Variants in LDB2 observed in about 807,000 individuals in gnomAD.
LDB2 encodes the protein LIM domain-binding protein 2.
In LDB2, 12 loss-of-function variants were observed where a neutral mutation model predicts 44.3. The observed-to-expected ratio is 0.27, with a 90% confidence interval of 0.17 to 0.44. The LOEUF is 0.44. LDB2 is among the 20% of genes least tolerant of loss of function. LDB2 has a pLI of 1.00. For synonymous variants in LDB2, 164 were observed against 174.8 expected (o/e 0.94, Z 0.49); for missense variants, 344 against 473.5 (o/e 0.73, Z 2.54).
intron 2 of LDB2, among the ~76,000 whole-genome samples, chr4:16,604,252 T>C (rs893249617): frequency 6.6e-6 from 1 of 152,198 alleles, no homozygotes; most frequent in African/African-American, 2.4e-5. Context: ...AAATGGTTAA[T>C]GGAATTTTAA....
intron 2 of LDB2, among the ~76,000 whole-genome samples, chr4:16,683,606 C>T (rs913761108): frequency 6.6e-6 from 1 of 152,170 alleles, no homozygotes; most frequent in African/African-American, 2.4e-5. Context: ...AGTATTTTTC[C>T]AGAAGAGGGT....
intron 1 of LDB2, among the ~76,000 whole-genome samples, chr4:16,858,863 C>T (rs148161362): frequency 2.0e-4 from 31 of 152,250 alleles, no homozygotes; most frequent in Middle Eastern, 3.4e-3. Context: ...AAGTTCTTTA[C>T]GATATCTTTT....
At chr4:16,890,057 A>T (rs1294187862) in intron 1 of LDB2, among the ~76,000 whole-genome samples, 2 of 152,206 alleles carry the variant, frequency 1.3e-5, no homozygotes, top group African/African-American at 4.8e-5. Context: ...GAGTTATTAC[A>T]AAGAAAGCCA....
At chr4:16,595,981 A>C in intron 2 of LDB2, 106 bp from the exon 3 acceptor site, 358 of 1,141,490 alleles carry the variant, frequency 3.1e-4, no homozygotes, top group Non-Finnish European at 4.0e-4. Context: ...TGATCATCTC[A>C]AGAAACCATA....
intron 5 of LDB2, among the ~76,000 whole-genome samples, chr4:16,542,488 G>A (rs60405451): frequency 6.6e-6 from 1 of 152,112 alleles, no homozygotes; most frequent in South Asian, 2.1e-4. Context: ...CGGAGGGAGG[G>A]ATGGGCTTGG....
At chr4:16,677,708 T>C (rs1578705191) in intron 2 of LDB2, among the ~76,000 whole-genome samples, 1 of 152,364 alleles carries the variant, frequency 6.6e-6, no homozygotes, top group East Asian at 1.9e-4. Flanking sequence ...ATTTATTGTC[T>C]TAACTGGGAG....
intron 5 of LDB2, among the ~76,000 whole-genome samples, chr4:16,525,114 T>C (rs566872710): frequency 6.6e-6 from 1 of 152,266 alleles, no homozygotes; most frequent in African/African-American, 2.4e-5. Flanking sequence ...ATTGACTGAA[T>C]GGTTACACCT....
At chr4:16,861,405 C>T (rs1347428436) in intron 1 of LDB2, among the ~76,000 whole-genome samples, 2 of 152,124 alleles carry the variant, frequency 1.3e-5, no homozygotes, top group African/African-American at 4.8e-5. Flanking sequence ...ATAGTGTCCC[C>T]CACCCCAAGT....
intron 2 of LDB2, among the ~76,000 whole-genome samples, chr4:16,644,621 G>C (rs937794547): frequency 6.6e-6 from 1 of 151,852 alleles, no homozygotes; most frequent in Non-Finnish European, 1.5e-5. Context: ...GTAGAGACGG[G>C]GTTTCACCAT....
chr4:16,678,533 G>A (rs1746920742), intron 2 of LDB2, among the ~76,000 whole-genome samples: 2 of 152,086 alleles, frequency 1.3e-5, no homozygotes, highest in Admixed American at 1.3e-4. Flanking sequence ...TAAGTGGAGT[G>A]AGCTTTCCTA....
In LDB2 at chr4:16,699,707, C is replaced by T. The variant is rs77610865; in HGVS notation, c.235+59451G>A. Reference sequence around the variant, plus strand: ...GAGAAAAGGAAGAAGGAAGAAAATGCCAAAGATAGATTTATAGCTCTAAAT... The same window carrying T: ...GAGAAAAGGAAGAAGGAAGAAAATGTCAAAGATAGATTTATAGCTCTAAAT... On this transcript the variant is annotated intron_variant, in intron 2 of 7. Transcript: ENST00000304523. Among the ~76,000 whole-genome samples, 1,015 of 152,116 alleles carry T rather than the reference C, an allele frequency of 6.7e-3. 16 individuals carry two copies. Among genetic ancestry groups the T allele is most frequent in the African/African-American group, 0.023 (969 of 41,488 alleles).
intron 2 of LDB2, among the ~76,000 whole-genome samples, chr4:16,601,135 G>A (rs1027493221): frequency 1.3e-5 from 2 of 152,148 alleles, no homozygotes; most frequent in African/African-American, 2.4e-5. Flanking sequence ...TGGTGAGGCT[G>A]TGGTAAAACA....
At position 16,871,281 on chromosome 4, in the gene LDB2, T is replaced by C. The variant is rs138180580; in HGVS notation, c.132+27073A>G. Reference sequence around the variant, plus strand: ...AATATATGTAGCTTCAAATGAGCCATAGTGGGAGTATTTACTACAGAAATT... The same window carrying C: ...AATATATGTAGCTTCAAATGAGCCACAGTGGGAGTATTTACTACAGAAATT... On this transcript the variant is annotated intron_variant, in intron 1 of 7. Coordinates refer to ENST00000304523, the MANE Select transcript of LDB2 (RefSeq NM_001290.5). 1.0e-3 allele frequency among the ~76,000 whole-genome samples: 153 copies of C among 152,302 alleles called. 1 individual carries two copies. The highest frequency in any genetic ancestry group is 3.6e-3 in the African/African-American group (148 of 41,578).
chr4:16,849,517 C>T (rs185985145), intron 1 of LDB2, among the ~76,000 whole-genome samples: 348 of 152,282 alleles, frequency 2.3e-3, no homozygotes, highest in Non-Finnish European at 3.9e-3. Context: ...GCAGCAAGAA[C>T]CCAAAGGCAA....
chr4:16,713,921 G>A (rs932948473), intron 2 of LDB2, among the ~76,000 whole-genome samples: 1 of 152,172 alleles, frequency 6.6e-6, no homozygotes, highest in African/African-American at 2.4e-5. Context: ...GATGTCCATT[G>A]ATAGATTATT....
Position 16,502,383 on chromosome 4 carries a change from C to G in LDB2, c.*260G>C, listed in dbSNP as rs1717742705. 2 of 466,046 alleles carry G rather than the reference C, an allele frequency of 4.3e-6. No individual in the cohort carries two copies. Among genetic ancestry groups the G allele is most frequent in the Non-Finnish European group, 7.6e-6 (2 of 261,912 alleles). 28.9% of individuals were successfully genotyped at this position (466,046 alleles called of 1,614,324 possible). A position where few individuals can be genotyped will look rare whatever the true frequency, so the allele number is the denominator to read the frequency against. On this transcript the variant is annotated 3_prime_UTR_variant, in exon 8 of 8. Transcript: ENST00000304523. Reference sequence around the variant, plus strand: ...GTGCCAGAAGATGCGCTAGAGTTTTCTCTCATTTTAATTACAATCAGTGCC... The same window carrying G: ...GTGCCAGAAGATGCGCTAGAGTTTTGTCTCATTTTAATTACAATCAGTGCC...
In LDB2 at chr4:16,682,220, T is replaced by C. The variant is rs920867144; in HGVS notation, c.235+76938A>G. Among the ~76,000 whole-genome samples, 16 of 152,264 alleles carry C rather than the reference T, an allele frequency of 1.1e-4. No homozygotes were observed. The South Asian group carries it at 3.1e-3, about 30-fold the overall frequency. ...ATCTGTCAGGGAAAAAGCAAAGCCT[T>C]AGAAACAAGTCAAAAAGTAACTAGT... On this transcript the variant is annotated intron_variant, in intron 2 of 7. Coordinates refer to ENST00000304523, the MANE Select transcript of LDB2 (RefSeq NM_001290.5).
In LDB2 at chr4:16,674,384, T is replaced by G; in HGVS notation, c.236-78509A>C. 4.2e-6 allele frequency: 3 copies of G among 713,294 alleles called. No individual in the cohort carries two copies. The South Asian group carries it at 4.3e-5, about 10-fold the overall frequency. The allele number at this position is 713,294 out of a possible 1,614,324, so 44.2% of individuals were successfully genotyped here. A position where few individuals can be genotyped will look rare whatever the true frequency, so the allele number is the denominator to read the frequency against. The stretch of plus-strand genomic sequence containing the variant: ...ATAAGAGCAGTTGCCCTGGAGGCGG[T>G]GTTAGAAGCAGGGACCCCAGCTCTC... On this transcript the variant is annotated intron_variant, in intron 2 of 7. Transcript: ENST00000304523.
chr4:16,614,477 C>G (rs904209335), intron 2 of LDB2, among the ~76,000 whole-genome samples: 5 of 150,900 alleles, frequency 3.3e-5, no homozygotes, highest in African/African-American at 1.2e-4. Context: ...TCAAACTGAA[C>G]AGGCAACCTA....
Sources: allele counts gnomAD v4.1 joint callset (sites outside exome capture counted in the v4.1 genomes callset), GRCh38; gene constraint gnomAD v4.1.1; transcripts MANE v1.5; gene names NCBI Gene and HGNC (gene_info 2026-07-23, HGNC 2026-07-21).